The following DCAF6 variants were observed in gnomAD, a reference collection of about 807,000 sequenced individuals.
DCAF6 encodes DDB1- and CUL4-associated factor 6.
In DCAF6, 54 loss-of-function variants were observed where a neutral mutation model predicts 125.1. That is an observed-to-expected ratio of 0.43 (90% CI 0.35 to 0.54). The LOEUF (loss-of-function observed/expected upper bound fraction) is 0.54, where lower values mean the gene tolerates loss of function less well. Among genes scored for constraint, DCAF6 ranks in the 20% least tolerant of loss-of-function variants. The pLI, the probability that DCAF6 is intolerant of heterozygous loss-of-function variation, is 0.01. For missense variants in DCAF6, 934 were observed against 1,161.7 expected (o/e 0.80, Z 2.85); for synonymous variants, 371 against 390.4 (o/e 0.95, Z 0.58).
chr1:167,991,318 A>G lies in DCAF6; in HGVS notation c.667A>G (p.Met223Val). The G allele has an allele frequency of 6.2e-7, 1 of 1,612,868 alleles. No individual in the cohort carries two copies. The highest frequency in any genetic ancestry group is 2.2e-5 in the East Asian group (1 of 44,776). Reference sequence around the variant, plus strand: ...CTCAGTACGAATATATGATCGGCGAATGCTGGGCACAAGAGCTACAGGTAA... The same window carrying G: ...CTCAGTACGAATATATGATCGGCGAGTGCTGGGCACAAGAGCTACAGGTAA... ...DSSVRIYDRRMLGTRATGNYA... is the reference protein window; with the variant it reads ...DSSVRIYDRRVLGTRATGNYA... The change falls in exon 6 of 22, where the codon ATG (methionine) becomes GTG (valine). Residue 223 changes from methionine (M) to valine (V), a missense_variant. Coordinates refer to ENST00000367840, the MANE Select transcript of DCAF6 (RefSeq NM_001198956.2).
chr1:168,027,333 G>T (rs1202512357), intron 12 of DCAF6, among the ~76,000 whole-genome samples: 1 of 152,072 alleles, frequency 6.6e-6, no homozygotes, highest in Non-Finnish European at 1.5e-5. Context: ...TAAACAGATT[G>T]TGTGTTCAAG....
At chr1:168,063,891 T>G in intron 18 of DCAF6, 132 bp downstream of exon 18, 1 of 817,174 alleles carries the variant, frequency 1.2e-6, no homozygotes, top group Non-Finnish European at 1.9e-6. Flanking sequence ...GTTATCTCTT[T>G]ATCCAACATG....
intron 17 of DCAF6, among the ~76,000 whole-genome samples, chr1:168,051,307 C>T (rs982486425): frequency 4.6e-5 from 7 of 152,128 alleles, no homozygotes; most frequent in Admixed American, 1.3e-4. Context: ...TTTTGTTATT[C>T]GTATATGCTC....
the DCAF6 span, among the ~76,000 whole-genome samples, chr1:167,922,304 T>C: frequency 6.6e-6 from 1 of 152,116 alleles, no homozygotes; most frequent in Non-Finnish European, 1.5e-5. Flanking sequence ...TATAATGCTG[T>C]CAATATCTCA....
the DCAF6 span, chr1:167,878,388 T>A: frequency 6.4e-7 from 1 of 1,573,436 alleles, no homozygotes; most frequent in Non-Finnish European, 8.7e-7. Context: ...TGCTTTGCTA[T>A]CATAATTCTC....
chr1:167,961,598 A>G (rs576203774), intron 2 of DCAF6, among the ~76,000 whole-genome samples: 1 of 152,034 alleles, frequency 6.6e-6, no homozygotes, highest in Non-Finnish European at 1.5e-5. Flanking sequence ...ATCTACAAAG[A>G]CCGTTTTATT....
At chr1:167,984,089 G>A (rs776898825) in intron 4 of DCAF6, among the ~76,000 whole-genome samples, 5 of 152,194 alleles carry the variant, frequency 3.3e-5, no homozygotes, top group Non-Finnish European at 5.9e-5. Flanking sequence ...TATTCTTTCT[G>A]AGATCCAGTT....
At chr1:167,982,957 A>C (rs1557928349) in intron 4 of DCAF6, among the ~76,000 whole-genome samples, 1 of 152,164 alleles carries the variant, frequency 6.6e-6, no homozygotes, top group Non-Finnish European at 1.5e-5. Context: ...ACTTTGTCGA[A>C]GATCAGATGA....
the DCAF6 span, among the ~76,000 whole-genome samples, chr1:167,870,638 C>CA: frequency 0.5 from 46,672 of 93,756 alleles, 9,897 homozygotes; most frequent in Middle Eastern, 0.56. Context: ...ACTGAAAATA[C>CA]AAAAAAAAAA....
chr1:167,893,780 TC>T, the DCAF6 span: 1 of 1,011,506 alleles, frequency 9.9e-7, no homozygotes, highest in South Asian at 1.4e-5. Flanking sequence ...GTTTTTTTTT[TC>T]TTAAATCTTA....
At chr1:167,903,421 A>G in the DCAF6 span, among the ~76,000 whole-genome samples, 5,538 of 151,500 alleles carry the variant, frequency 0.037, 223 homozygotes, top group African/African-American at 0.1. Context: ...ACAATTAGAC[A>G]GGTGTGGGGG....
In DCAF6 at chr1:168,033,658, C is replaced by T. The variant is rs1432837356; in HGVS notation, c.1610-4713C>T. Among the ~76,000 whole-genome samples, 6 of 152,134 alleles carry T rather than the reference C, an allele frequency of 3.9e-5. No homozygotes were observed. The East Asian group carries it at 7.7e-4, about 20-fold the overall frequency. On this transcript the variant is annotated intron_variant, in intron 12 of 21. Coordinates refer to ENST00000367840, the MANE Select transcript of DCAF6 (RefSeq NM_001198956.2). Reference sequence around the variant, plus strand: ...AGTTGGTTTCCTGAATCTCAAGTTACGGACCTTTCACTTCTAATCCCCCAA... The same window carrying T: ...AGTTGGTTTCCTGAATCTCAAGTTATGGACCTTTCACTTCTAATCCCCCAA...
the DCAF6 span, among the ~76,000 whole-genome samples, chr1:167,865,832 C>T: frequency 2.0e-5 from 3 of 152,230 alleles, no homozygotes; most frequent in Non-Finnish European, 2.9e-5. Flanking sequence ...CATTGTCCCC[C>T]TTCCACTAAA....
At chr1:168,033,399 T>C (rs1025527338) in intron 12 of DCAF6, among the ~76,000 whole-genome samples, 5 of 146,510 alleles carry the variant, frequency 3.4e-5, no homozygotes, top group Non-Finnish European at 7.4e-5. Flanking sequence ...CACTGCAAGC[T>C]CCGCCTCCCG....
At chr1:167,865,384 G>A in the DCAF6 span, among the ~76,000 whole-genome samples, 2 of 152,134 alleles carry the variant, frequency 1.3e-5, no homozygotes, top group Admixed American at 1.3e-4. Context: ...AATGCAACAG[G>A]TTTTTCTTGA....
At chr1:167,883,532 C>A in the DCAF6 span, 3 of 1,614,254 alleles carry the variant, frequency 1.9e-6, no homozygotes, top group Non-Finnish European at 2.5e-6. Context: ...GGGCCTATCT[C>A]TTCTGCTTTG....
chr1:167,885,942 T>G, the DCAF6 span, among the ~76,000 whole-genome samples: 1 of 152,092 alleles, frequency 6.6e-6, no homozygotes, highest in Non-Finnish European at 1.5e-5. Context: ...CATTTTTTAA[T>G]CAGATTATTA....
At chr1:167,876,279 C>A in the DCAF6 span, among the ~76,000 whole-genome samples, 1 of 146,346 alleles carries the variant, frequency 6.8e-6, no homozygotes. Flanking sequence ...AAAAAAAGTA[C>A]TACTCTTATG....
chr1:168,060,855 C>T (rs1297008058), intron 17 of DCAF6, among the ~76,000 whole-genome samples: 1 of 152,218 alleles, frequency 6.6e-6, no homozygotes, highest in African/African-American at 2.4e-5. Context: ...CGCCACTGCA[C>T]TCCAGCCTAG....
Sources: allele counts gnomAD v4.1 joint callset (sites outside exome capture counted in the v4.1 genomes callset), GRCh38; gene constraint gnomAD v4.1.1; transcripts MANE v1.5; gene names NCBI Gene and HGNC (gene_info 2026-07-23, HGNC 2026-07-21).